ZNF429: variants seen among roughly 807,000 people sequenced by gnomAD.
The protein encoded by ZNF429 is zinc finger protein 429.
Under a neutral mutation model 56.8 loss-of-function variants are expected in ZNF429, and 53 were observed. The ratio of observed to expected loss-of-function variants is 0.93; its 90% CI spans 0.75 to 1.17. The LOEUF is 1.17. ZNF429 is among the 50% of genes most tolerant of loss of function. The probability of loss-of-function intolerance (pLI) is 0.00; values close to 1 mark genes in which losing one functional copy is unlikely to be tolerated. For synonymous variants in ZNF429, 278 were observed against 264.7 expected (o/e 1.05, Z -0.49); for missense variants, 849 against 788.4 (o/e 1.08, Z -0.92).
intron 3 of ZNF429, among the ~76,000 whole-genome samples, chr19:21,535,416 CTTTCTTTCTTTCTTTCTTT>C: frequency 0.035 from 275 of 7,914 alleles, 32 homozygotes; most frequent in Middle Eastern, 0.25. Flanking sequence ...TTTTTCTTTT[CTTTCTTTCTTTCTTTCTTT>C]CTTTCTTTCT....
At chr19:21,508,434 T>C (rs1351622641) in intron 1 of ZNF429, among the ~76,000 whole-genome samples, 1 of 152,188 alleles carries the variant, frequency 6.6e-6, no homozygotes. Context: ...CTCAAGTGAT[T>C]GAACTTGACA....
At position 21,536,749 on chromosome 19, in the gene ZNF429, A is replaced by G. The variant is rs2033695282; in HGVS notation, c.696A>G (p.Glu232=). Residue 232 remains glutamate, a synonymous_variant, in exon 4 of 4, where the codon GAA becomes GAG. Transcript: ENST00000358491. ...IYVGEKHYRC[E]ECGKAFNHYS... is the part of the protein sequence containing the mutation. Reference sequence around the variant, plus strand: ...TTGGTGAGAAACACTACAGATGTGAAGAATGTGGCAAAGCATTTAACCACT... The same window carrying G: ...TTGGTGAGAAACACTACAGATGTGAGGAATGTGGCAAAGCATTTAACCACT... 1.2e-6 allele frequency: 2 copies of G among 1,613,954 alleles called. No homozygotes were observed. Among genetic ancestry groups the G allele is most frequent in the Admixed American group, 1.7e-5 (1 of 60,010 alleles).
intron 1 of ZNF429, among the ~76,000 whole-genome samples, chr19:21,514,352 A>G (rs535136289): frequency 1.3e-5 from 2 of 152,132 alleles, no homozygotes; most frequent in Admixed American, 6.5e-5. Flanking sequence ...TCCACCCTCA[A>G]CTAGGCCTCA....
intron 1 of ZNF429, among the ~76,000 whole-genome samples, chr19:21,522,529 T>C (rs1430188376): frequency 6.6e-6 from 1 of 152,204 alleles, no homozygotes. Flanking sequence ...CCATACATGA[T>C]ATAAACATAT....
chr19:21,519,912 A>C (rs1275393094), intron 1 of ZNF429, among the ~76,000 whole-genome samples: 1 of 147,422 alleles, frequency 6.8e-6, no homozygotes. Context: ...CCCGGGCTGG[A>C]GTGCAGTGGC....
chr19:21,518,234 ATTTC>A (rs143945168), intron 1 of ZNF429, among the ~76,000 whole-genome samples: 12,072 of 99,830 alleles, frequency 0.12, no homozygotes, highest in East Asian at 0.15. Context: ...GATTTTGGTT[ATTTC>A]TTGTCTTCTG....
chr19:21,538,452 T>C lies in ZNF429; in HGVS notation c.*374T>C, dbSNP rs2033809681. The stretch of plus-strand genomic sequence containing the variant: ...CCATCTCTACTAAAAATACAAAAAT[T>C]AGCTGGATGTGGTGGCACATGCCTG... On this transcript the variant is annotated 3_prime_UTR_variant, in exon 4 of 4. Coordinates refer to ENST00000358491, the MANE Select transcript of ZNF429 (RefSeq NM_001001415.4). Among the ~76,000 whole-genome samples the C allele has an allele frequency of 1.3e-5, 2 of 151,438 alleles. No individual in the cohort carries two copies. The highest frequency in any genetic ancestry group is 4.9e-5 in the African/African-American group (2 of 41,194).
chr19:21,520,290 T>C (rs2032944882), intron 1 of ZNF429, among the ~76,000 whole-genome samples: 1 of 152,226 alleles, frequency 6.6e-6, no homozygotes. Context: ...AAAATTCAGA[T>C]GTCCAAGGGT....
intron 3 of ZNF429, among the ~76,000 whole-genome samples, chr19:21,531,590 G>T: frequency 1.9e-4 from 29 of 152,116 alleles, no homozygotes; most frequent in Non-Finnish European, 5.9e-5. Context: ...GATCACCTGA[G>T]GTCAGGAGTT....
chr19:21,515,091 C>T (rs1199411797), intron 1 of ZNF429, among the ~76,000 whole-genome samples: 2 of 151,986 alleles, frequency 1.3e-5, no homozygotes, highest in Admixed American at 6.6e-5. Flanking sequence ...CAGGCATGCA[C>T]CACCACGCTT....
In ZNF429 at chr19:21,540,013, G is replaced by A. The variant is rs567502006; in HGVS notation, c.*1935G>A. Among the ~76,000 whole-genome samples the A allele has an allele frequency of 6.6e-6, 1 of 152,228 alleles. No homozygotes were observed. The highest frequency in any genetic ancestry group is 2.1e-4 in the South Asian group (1 of 4,826). Reference sequence around the variant, plus strand: ...GTGATGTATGAGGTCGATGTTCAGAGTAATATGCCTCTGTATTACAGTGAT... The same window carrying A: ...GTGATGTATGAGGTCGATGTTCAGAATAATATGCCTCTGTATTACAGTGAT... On this transcript the variant is annotated 3_prime_UTR_variant, in exon 4 of 4. Coordinates refer to ENST00000358491, the MANE Select transcript of ZNF429 (RefSeq NM_001001415.4).
At chr19:21,522,677 A>G (rs1307896840) in intron 1 of ZNF429, among the ~76,000 whole-genome samples, 1 of 152,112 alleles carries the variant, frequency 6.6e-6, no homozygotes, top group East Asian at 1.9e-4. Flanking sequence ...TGGGCAGATC[A>G]CCTTGAGGTC....
At chr19:21,531,275 C>A in intron 3 of ZNF429, among the ~76,000 whole-genome samples, 10 of 151,996 alleles carry the variant, frequency 6.6e-5, no homozygotes, top group Admixed American at 3.3e-4. Context: ...CTAGTACAGA[C>A]CCCGCAGCCT....
rs539545648 is a variant in ZNF429, at chr19:21,506,760, G to GTTTTTTTTTTTT, written c.3+992_3+993insTTTTTTTTTTTT. ...TACAAAAAAAAAAGCATTTGAGTTA[G>GTTTTTTTTTTTT]TTTTTTGTTTTTTTTTTTTTTTTTT... On this transcript the variant is annotated intron_variant, in intron 1 of 3. Coordinates refer to ENST00000358491, the MANE Select transcript of ZNF429 (RefSeq NM_001001415.4). Among the ~76,000 whole-genome samples, 21 of 119,660 alleles carry GTTTTTTTTTTTT rather than the reference G, an allele frequency of 1.8e-4. 1 individual carries two copies. Among genetic ancestry groups the GTTTTTTTTTTTT allele is most frequent in the South Asian group, 2.8e-4 (1 of 3,622 alleles). 78.5% of individuals were successfully genotyped at this position (119,660 alleles called of 152,430 possible).
chr19:21,521,482 C>T (rs1227760159), intron 1 of ZNF429: 1 of 152,188 alleles, frequency 6.6e-6, no homozygotes, highest in African/African-American at 2.4e-5. Flanking sequence ...CTTCATAATG[C>T]TCATGTTTCT....
chr19:21,505,846 G>A, intron 1 of ZNF429, 72 bp downstream of exon 1: 4 of 1,550,318 alleles, frequency 2.6e-6, no homozygotes, highest in African/African-American at 1.4e-5. Context: ...TGGCCGTGGC[G>A]GACTTAGGTC....
intron 1 of ZNF429, chr19:21,507,775 C>T (rs1175770115): frequency 6.5e-6 from 1 of 153,248 alleles, no homozygotes; most frequent in Non-Finnish European, 1.5e-5. Context: ...TTCCCTGGGG[C>T]TGAGAGGAAT....
rs144613543 is a variant in ZNF429, at chr19:21,538,196, C to T, written c.*118C>T. On this transcript the variant is annotated 3_prime_UTR_variant, in exon 4 of 4. Transcript: ENST00000358491. ...CGGGAGGCTGAGGCAGGAGAATGGCCTGAACCCGGAGGTGGAGCTTGCATT... is the reference window on the plus strand; with the variant it reads ...CGGGAGGCTGAGGCAGGAGAATGGCTTGAACCCGGAGGTGGAGCTTGCATT... 2.6e-3 allele frequency: 1,113 copies of T among 427,144 alleles called. 23 individuals are homozygous for T. The East Asian group carries it at 0.035, about 13-fold the overall frequency. 26.5% of individuals were successfully genotyped at this position (427,144 alleles called of 1,614,324 possible).
intron 1 of ZNF429, among the ~76,000 whole-genome samples, chr19:21,506,878 C>T (rs761924024): frequency 1.4e-5 from 2 of 146,602 alleles, no homozygotes; most frequent in Non-Finnish European, 3.0e-5. Flanking sequence ...AAGTAATTCT[C>T]CTGCCTCAGC....
Sources: gnomAD v4.1 joint callset for allele counts (sites outside exome capture counted in the v4.1 genomes callset) on GRCh38, gnomAD v4.1.1 for gene constraint, MANE v1.5 for transcripts, NCBI Gene and HGNC (gene_info 2026-07-23, HGNC 2026-07-21) for gene names.